The following LRP2 variants were observed in gnomAD, a reference collection of about 807,000 sequenced individuals.
The protein encoded by LRP2 is low-density lipoprotein receptor-related protein 2.
LRP2 carries 172 observed loss-of-function variants against 531.0 expected under a neutral mutation model. The ratio of observed to expected loss-of-function variants is 0.32; its 90% CI spans 0.29 to 0.37. The LOEUF (loss-of-function observed/expected upper bound fraction) is 0.37, where lower values mean the gene tolerates loss of function less well. Ranked by LOEUF, LRP2 falls within the 10% of genes least tolerant of loss-of-function variation. The probability of loss-of-function intolerance (pLI) is 1.00; values close to 1 mark genes in which losing one functional copy is unlikely to be tolerated. For missense variants in LRP2, 5,167 were observed against 5,868.3 expected, an observed-to-expected ratio of 0.88 and a Z score of 3.90; for synonymous variants, 1,992 against 2,027.6, an observed-to-expected ratio of 0.98 and a Z score of 0.47.
intron 1 of LRP2, among the ~76,000 whole-genome samples, chr2:169,351,700 A>AGTTGGCTT (rs1162035829): frequency 2.4e-4 from 36 of 152,208 alleles, no homozygotes; most frequent in Non-Finnish European, 1.5e-4. Flanking sequence ...ACTAGGAAGC[A>AGTTGGCTT]AGTCCTAAGC....
At chr2:169,338,337 A>G (rs1210902749) in intron 1 of LRP2, among the ~76,000 whole-genome samples, 1 of 144,010 alleles carries the variant, frequency 6.9e-6, no homozygotes, top group Non-Finnish European at 1.5e-5. Flanking sequence ...AGAGACAGAG[A>G]AAGAAAGAAG....
At chr2:169,234,012 C>T (rs143601179) in intron 29 of LRP2, among the ~76,000 whole-genome samples, 1,968 of 152,306 alleles carry the variant, frequency 0.013, 22 homozygotes, top group Middle Eastern at 0.068. Flanking sequence ...GCTATTTCCA[C>T]GGTCTTGTGC....
chr2:169,183,067 G>A (rs1687498379), intron 50 of LRP2, among the ~76,000 whole-genome samples: 1 of 152,200 alleles, frequency 6.6e-6, no homozygotes. Context: ...GCTTTCACCA[G>A]AGTCTTATAG....
chr2:169,190,790 A>G (rs1039729856), intron 48 of LRP2, among the ~76,000 whole-genome samples: 2 of 152,192 alleles, frequency 1.3e-5, no homozygotes, highest in Non-Finnish European at 2.9e-5. Context: ...TTCCACCTTG[A>G]GCAAGCGCCT....
intron 4 of LRP2, among the ~76,000 whole-genome samples, chr2:169,299,629 C>T (rs774201522): frequency 3.3e-5 from 5 of 151,244 alleles, no homozygotes; most frequent in Non-Finnish European, 5.9e-5. Flanking sequence ...AGGAATAGTA[C>T]AAAGAAGTAA....
At chr2:169,259,268 A>ATCAATTT (rs1690439545) in intron 16 of LRP2, 51 bp from the exon 17 acceptor site, 1 of 1,442,440 alleles carries the variant, frequency 6.9e-7, no homozygotes, top group Admixed American at 1.7e-5. Context: ...TTTGTAAGGC[A>ATCAATTT]TCAATTTTCC....
chr2:169,172,355 A>G (rs62172585), intron 57 of LRP2, among the ~76,000 whole-genome samples: 3,078 of 152,292 alleles, frequency 0.02, 39 homozygotes, highest in Non-Finnish European at 0.03. Flanking sequence ...GGTAGAAACC[A>G]TGCAAAGAAT....
intron 34 of LRP2, among the ~76,000 whole-genome samples, chr2:169,220,179 T>C (rs941778519): frequency 3.9e-5 from 6 of 152,244 alleles, no homozygotes; most frequent in African/African-American, 1.4e-4. Context: ...ATTCTTATAA[T>C]GCTATTTTAA....
In LRP2 at chr2:169,240,701, C is replaced by T. The variant is rs78828988; in HGVS notation, c.4045+287G>A. The T allele has an allele frequency of 0.02, 11,086 of 562,420 alleles. 495 individuals are homozygous for T. Among genetic ancestry groups the T allele is most frequent in the African/African-American group, 0.13 (6,951 of 53,492 alleles). 34.8% of individuals were successfully genotyped at this position (562,420 alleles called of 1,614,324 possible). ...ATTAATGAGCACATTACCAACAGAA[C>T]CAAATTTAATTTGACAATCTAATGG... On this transcript the variant is annotated intron_variant, in intron 25 of 78. Coordinates refer to ENST00000649046, the MANE Select transcript of LRP2 (RefSeq NM_004525.3).
At chr2:169,223,532 A>G (rs1174695488) in intron 33 of LRP2, among the ~76,000 whole-genome samples, 1 of 152,070 alleles carries the variant, frequency 6.6e-6, no homozygotes, top group East Asian at 1.9e-4. Context: ...TAATGGGAGG[A>G]TGATAGTCTT....
chr2:169,353,415 C>A (rs936491648), intron 1 of LRP2, among the ~76,000 whole-genome samples: 3 of 152,078 alleles, frequency 2.0e-5, no homozygotes, highest in African/African-American at 7.2e-5. Context: ...GAACTGGAGC[C>A]CTGACTGCAC....
chr2:169,237,021 C>T, intron 28 of LRP2, 82 bp downstream of exon 28: 2 of 1,173,626 alleles, frequency 1.7e-6, no homozygotes, highest in Non-Finnish European at 2.6e-6. Context: ...CAGCAACATG[C>T]ATATCAGCTA....
intron 17 of LRP2, among the ~76,000 whole-genome samples, chr2:169,257,542 A>C (rs888332276): frequency 2.6e-5 from 4 of 152,136 alleles, no homozygotes; most frequent in African/African-American, 4.8e-5. Context: ...TTCTCTAACA[A>C]GACACAATTC....
chr2:169,175,521 T>A, intron 54 of LRP2, 132 bp from the exon 55 acceptor site: 1 of 771,012 alleles, frequency 1.3e-6, no homozygotes, highest in Non-Finnish European at 2.2e-6. Flanking sequence ...GAGGATCAAT[T>A]AAATCTCAGT....
intron 48 of LRP2, among the ~76,000 whole-genome samples, chr2:169,190,306 C>T (rs530467454): frequency 6.6e-6 from 1 of 152,372 alleles, no homozygotes; most frequent in East Asian, 1.9e-4. Flanking sequence ...AGCTCCACCT[C>T]TTGAATGTCT....
rs1686714590 is a variant in LRP2, at chr2:169,164,562, G to A, written c.11758+1370C>T. Among the ~76,000 whole-genome samples, 4 of 152,354 alleles carry A rather than the reference G, an allele frequency of 2.6e-5. No individual in the cohort carries two copies. In the South Asian group the frequency reaches 6.2e-4, roughly 24 times the overall value. On this transcript the variant is annotated intron_variant, in intron 62 of 78. Transcript: ENST00000649046. ...AGGATGTCTGTCATTTCCAGGCTCAGGAAGTTAAGAAGCTGTGTGCCTCCA... is the reference window on the plus strand; with the variant it reads ...AGGATGTCTGTCATTTCCAGGCTCAAGAAGTTAAGAAGCTGTGTGCCTCCA...
chr2:169,361,246 CA>C (rs1686140277), intron 1 of LRP2, among the ~76,000 whole-genome samples: 1 of 151,898 alleles, frequency 6.6e-6, no homozygotes, highest in Non-Finnish European at 1.5e-5. Context: ...AACGCAAAGC[CA>C]GGGGGAGAGC....
intron 16 of LRP2, among the ~76,000 whole-genome samples, chr2:169,263,002 C>T (rs1056279975): frequency 5.3e-5 from 8 of 152,078 alleles, no homozygotes; most frequent in African/African-American, 1.9e-4. Flanking sequence ...GGAAAGGATT[C>T]CCTATTTAAT....
At position 169,219,128 on chromosome 2, in the gene LRP2, C is replaced by G. The variant is rs80280614; in HGVS notation, c.5648+1326G>C. ...TTTCGAACCTAAGACAGTCCTTCTT[C>G]TAGAAAGAATAACTGAAAACTAGTA... On this transcript the variant is annotated intron_variant, in intron 34 of 78. Coordinates refer to ENST00000649046, the MANE Select transcript of LRP2 (RefSeq NM_004525.3). Among the ~76,000 whole-genome samples the G allele has an allele frequency of 3.8e-3, 571 of 152,238 alleles. 4 individuals carry two copies. The highest frequency in any genetic ancestry group is 0.013 in the African/African-American group (544 of 41,538).
Sources: allele counts gnomAD v4.1 joint callset (sites outside exome capture counted in the v4.1 genomes callset), GRCh38; gene constraint gnomAD v4.1.1; transcripts MANE v1.5; gene names NCBI Gene and HGNC (gene_info 2026-07-23, HGNC 2026-07-21).